The following PSG2 variants were observed in gnomAD, a reference collection of about 807,000 sequenced individuals.
The protein encoded by PSG2 is pregnancy specific beta-1-glycoprotein 2.
PSG2 carries 49 observed loss-of-function variants against 36.2 expected under a neutral mutation model. The observed-to-expected ratio is 1.35, with a 90% CI of 1.08 to 1.72. The LOEUF is 1.72. PSG2 is among the 40% of genes most tolerant of loss of function. The pLI is 0.00. For missense variants in PSG2, 605 were observed against 407.2 expected (o/e 1.49, Z -4.18); for synonymous variants, 261 against 155.6 (o/e 1.68, Z -5.04).
At position 43,064,289 on chromosome 19, in the gene PSG2, A is replaced by G; in HGVS notation, c.*353T>C. The G allele has an allele frequency of 4.5e-6, 1 of 222,164 alleles. No homozygotes were observed. Among genetic ancestry groups the G allele is most frequent in the Non-Finnish European group, 9.1e-6 (1 of 110,182 alleles). The allele number at this position is 222,164 out of a possible 1,614,324, so 13.8% of individuals were successfully genotyped here. The stretch of plus-strand genomic sequence containing the variant: ...TCCCAATTCTGGGGCACTCAGATAG[A>G]GAGCAAAAGGAAATGTTTCAATTTT... On this transcript the variant is annotated 3_prime_UTR_variant, in exon 6 of 6. Coordinates refer to ENST00000406487, the MANE Select transcript of PSG2 (RefSeq NM_031246.4).
At position 43,075,621 on chromosome 19, in the gene PSG2, T is replaced by G. The variant is rs560644363; in HGVS notation, c.442A>C (p.Lys148Gln). ...AAGTTGCTGCTGGAGATGGAGGGCTTGGGAGTCTCCACTGTGCAGAAAACA... is the reference window on the plus strand; with the variant it reads ...AAGTTGCTGCTGGAGATGGAGGGCTGGGGAGTCTCCACTGTGCAGAAAACA... ...FTFTLYLETP[K>Q]PSISSSNLNP... The change falls in exon 3 of 6, where the codon AAG becomes CAG. Residue 148 changes from lysine to glutamine, a missense_variant. By Grantham distance (53) the Lys-to-Gln change is moderately conservative (BLOSUM62 1). Transcript: ENST00000406487. The G allele has an allele frequency of 1.2e-5, 19 of 1,612,658 alleles. No homozygotes were observed. The South Asian group carries it at 2.0e-4, about 17-fold the overall frequency.
At chr19:43,064,946 C>G (rs982817093) in intron 5 of PSG2, among the ~76,000 whole-genome samples, 7 of 151,818 alleles carry the variant, frequency 4.6e-5, no homozygotes, top group African/African-American at 1.7e-4. Flanking sequence ...ATTCTCCTGC[C>G]TCAGCCTCCT....
intron 3 of PSG2, among the ~76,000 whole-genome samples, chr19:43,074,080 G>A (rs1967856731): frequency 6.6e-6 from 1 of 151,616 alleles, no homozygotes; most frequent in Non-Finnish European, 1.5e-5. Flanking sequence ...TTAAGGCTTT[G>A]GGATGTGAGA....
At chr19:43,071,439 T>C (rs1474594795) in intron 4 of PSG2, among the ~76,000 whole-genome samples, 1 of 151,638 alleles carries the variant, frequency 6.6e-6, no homozygotes, top group Non-Finnish European at 1.5e-5. Flanking sequence ...GTGAAGCCTC[T>C]TCTACCACAT....
In PSG2 at chr19:43,072,209, T is replaced by C; in HGVS notation, c.710-255A>G. ...GGTTAAGGCTGTGCCTACCCAGGTT[T>C]TCCCAGGGCAGGGAGTCATGGCCAG... On this transcript the variant is annotated intron_variant, in intron 3 of 5. Coordinates refer to ENST00000406487, the MANE Select transcript of PSG2 (RefSeq NM_031246.4). 2.1e-6 allele frequency: 3 copies of C among 1,437,668 alleles called. 1 individual carries two copies. The South Asian group carries it at 4.1e-5, about 20-fold the overall frequency. The allele number at this position is 1,437,668 out of a possible 1,614,324, so 89.1% of individuals were successfully genotyped here. A position where few individuals can be genotyped will look rare whatever the true frequency, so the allele number is the denominator to read the frequency against.
At position 43,075,448 on chromosome 19, in the gene PSG2, A is replaced by C. The variant is rs570728063; in HGVS notation, c.615T>G (p.Phe205Leu). ...GTCCTGCAGTATACTTTGTGACACC[A>C]AATAGAAAGAGGGTCCTGTTGGTTT... ...LSETNRTLFLFGVTKYTAGPY... is the reference protein window; with the variant it reads ...LSETNRTLFLLGVTKYTAGPY... The change falls in exon 3 of 6, where the codon TTT (phenylalanine) becomes TTG (leucine). Residue 205 changes from phenylalanine to leucine, a missense_variant. Transcript: ENST00000406487. The C allele has an allele frequency of 6.2e-6, 10 of 1,613,200 alleles. No individual in the cohort carries two copies. Among genetic ancestry groups the C allele is most frequent in the East Asian group, 2.2e-5 (1 of 44,860 alleles).
In PSG2 at chr19:43,064,591, C is replaced by T. The variant is rs1474632179; in HGVS notation, c.*51G>A. 3.0e-6 allele frequency: 2 copies of T among 663,924 alleles called. No homozygotes were observed. Among genetic ancestry groups the T allele is most frequent in the South Asian group, 1.6e-5 (1 of 64,448 alleles). The allele number at this position is 663,924 out of a possible 1,614,324, so 41.1% of individuals were successfully genotyped here. A position where few individuals can be genotyped will look rare whatever the true frequency, so the allele number is the denominator to read the frequency against. On this transcript the variant is annotated 3_prime_UTR_variant, in exon 6 of 6. Coordinates refer to ENST00000406487, the MANE Select transcript of PSG2 (RefSeq NM_031246.4). ...TCAAGAGTCCTTGTAAGAGACCTTTCCATAAATCTCCTTGAAGAAAAAGCA... is the reference window on the plus strand; with the variant it reads ...TCAAGAGTCCTTGTAAGAGACCTTTTCATAAATCTCCTTGAAGAAAAAGCA...
Position 43,064,455 on chromosome 19 carries a change from T to A in PSG2, c.*187A>T, listed in dbSNP as rs1058160. ...TTTTGATTATTTAGTCCAATAACAT[T>A]GAGTATTTTTCTTCTTTGTCTTGAA... On this transcript the variant is annotated 3_prime_UTR_variant, in exon 6 of 6. Transcript: ENST00000406487. 4.7e-6 allele frequency: 2 copies of A among 421,346 alleles called. No individual in the cohort carries two copies. The highest frequency in any genetic ancestry group is 2.1e-5 in the African/African-American group (1 of 47,832). 26.1% of individuals were successfully genotyped at this position (421,346 alleles called of 1,614,324 possible). A position where few individuals can be genotyped will look rare whatever the true frequency, so the allele number is the denominator to read the frequency against.
In PSG2 at chr19:43,082,643, A is replaced by G. The variant is rs1168589221; in HGVS notation, c.-74T>C. 54 of 1,579,816 alleles carry G rather than the reference A, an allele frequency of 3.4e-5. No individual in the cohort carries two copies. The highest frequency in any genetic ancestry group is 4.4e-5 in the Non-Finnish European group (51 of 1,155,328). On this transcript the variant is annotated 5_prime_UTR_variant, in exon 1 of 6. Transcript: ENST00000406487. ...CAGAAACTTCCTGAGCACGGCTGTC[A>G]GCTGTGCTGTCCTTCCTCCTTCTGC...
intron 4 of PSG2, among the ~76,000 whole-genome samples, chr19:43,067,790 A>G (rs1223524586): frequency 4.0e-5 from 6 of 151,432 alleles, no homozygotes; most frequent in Non-Finnish European, 7.4e-5. Flanking sequence ...TGGTATGAAG[A>G]AAGCACTGTC....
At chr19:43,067,991 A>G (rs1320730200) in intron 4 of PSG2, among the ~76,000 whole-genome samples, 1 of 151,580 alleles carries the variant, frequency 6.6e-6, no homozygotes, top group African/African-American at 2.4e-5. Flanking sequence ...TAAGGATTAG[A>G]GTGGACATAA....
At chr19:43,082,369 T>G (rs902722752) in intron 1 of PSG2, 137 bp downstream of exon 1, 16 of 1,370,476 alleles carry the variant, frequency 1.2e-5, no homozygotes, top group African/African-American at 4.3e-5. Flanking sequence ...CTTGAACTCC[T>G]GATCTCGTGA....
rs546356746 is a variant in PSG2 at position 43,070,662 on chromosome 19, G to T, written c.964+1038C>A. On this transcript the variant is annotated intron_variant, in intron 4 of 5. Transcript: ENST00000406487. ...TAGAATAGCCAGTTACATAGAGACA[G>T]AAATTAGAATGGTGGGTGCTAAGGG... 3.3e-5 allele frequency among the ~76,000 whole-genome samples: 5 copies of T among 151,808 alleles called. No homozygotes were observed. In the East Asian group the frequency reaches 9.7e-4, roughly 29 times the overall value.
At position 43,075,466 on chromosome 19, in the gene PSG2, G is replaced by A; in HGVS notation, c.597C>T (p.Asn199=). 6.2e-7 allele frequency: 1 copy of A among 1,613,212 alleles called. No homozygotes were observed. The highest frequency in any genetic ancestry group is 8.5e-7 in the Non-Finnish European group (1 of 1,179,664). ...TGACACCAAATAGAAAGAGGGTCCT[G>A]TTGGTTTCGGACAGCTGAAACCTAT... ...MTHRFQLSET[N]RTLFLFGVTK... Residue 199 remains asparagine (N), a synonymous_variant, in exon 3 of 6, where the codon AAC becomes AAT. Coordinates refer to ENST00000406487, the MANE Select transcript of PSG2 (RefSeq NM_031246.4).
At chr19:43,067,762 A>G (rs547355487) in intron 4 of PSG2, among the ~76,000 whole-genome samples, 2 of 151,554 alleles carry the variant, frequency 1.3e-5, no homozygotes, top group Non-Finnish European at 1.5e-5. Context: ...CATTGACTGC[A>G]TTAAATCTTT....
intron 3 of PSG2, 89 bp from the exon 4 acceptor site, chr19:43,072,043 G>T: frequency 2.0e-6 from 3 of 1,516,878 alleles, no homozygotes; most frequent in Non-Finnish European, 1.8e-6. Context: ...GACCCTCTGA[G>T]ACAAGACACA....
rs1967820494 is a variant in PSG2, at chr19:43,071,791, A to G, written c.873T>C (p.Ile291=). Reference sequence around the variant, plus strand: ...CATAGAGCCCGCTATGCTTTGTAGTAATTTGGGGGATAAACAGATTTTGTC... The same window carrying G: ...CATAGAGCCCGCTATGCTTTGTAGTGATTTGGGGGATAAACAGATTTTGTC... ...QSGQNLFIPQ[I]TTKHSGLYVC... is the part of the protein sequence containing the mutation. The change falls in exon 4 of 6, where the codon ATT becomes ATC. Residue 291 remains isoleucine, a synonymous_variant. Transcript: ENST00000406487. 4 of 1,612,728 alleles carry G rather than the reference A, an allele frequency of 2.5e-6. 1 individual carries two copies. Among genetic ancestry groups the G allele is most frequent in the Non-Finnish European group, 3.4e-6 (4 of 1,179,296 alleles).
At chr19:43,073,549 T>G (rs1967849200) in intron 3 of PSG2, among the ~76,000 whole-genome samples, 1 of 151,634 alleles carries the variant, frequency 6.6e-6, no homozygotes, top group South Asian at 2.1e-4. Context: ...GGAGAGAAGT[T>G]TTTCAAATAT....
intron 3 of PSG2, among the ~76,000 whole-genome samples, 184 bp from the exon 4 acceptor site, chr19:43,072,138 G>C (rs940933084): frequency 6.6e-6 from 1 of 151,496 alleles, no homozygotes; most frequent in African/African-American, 2.4e-5. Flanking sequence ...CAAGATGTGG[G>C]CCCCAAGTCT....
Sources: allele counts gnomAD v4.1 joint callset (sites outside exome capture counted in the v4.1 genomes callset), GRCh38; gene constraint gnomAD v4.1.1; transcripts MANE v1.5; gene names NCBI Gene and HGNC (gene_info 2026-07-23, HGNC 2026-07-21).